The following MAGI2 variants were observed in gnomAD, a reference collection of about 807,000 sequenced individuals.
MAGI2 encodes membrane associated guanylate kinase, WW and PDZ domain containing 2.
A neutral mutation model predicts 133.3 loss-of-function variants in MAGI2; 35 were observed. The ratio of observed to expected loss-of-function variants is 0.26; its 90% CI spans 0.20 to 0.35. MAGI2 has a LOEUF of 0.35. Ranked by LOEUF, MAGI2 falls within the 10% of genes least tolerant of loss-of-function variation. The probability of loss-of-function intolerance (pLI) is 1.00; values close to 1 mark genes in which losing one functional copy is unlikely to be tolerated. For missense variants in MAGI2, 1,636 were observed against 1,863.4 expected (o/e 0.88, Z 2.25); for synonymous variants, 729 against 710.6 (o/e 1.03, Z -0.41).
chr7:78,246,884 C>CCCCCTGGGCCT (rs1791848509), intron 10 of MAGI2, among the ~76,000 whole-genome samples: 1 of 152,194 alleles, frequency 6.6e-6, no homozygotes, highest in Non-Finnish European at 1.5e-5. Context: ...GACATAGCTA[C>CCCCCTGGGCCT]AAGCTGGCCC....
intron 2 of MAGI2, among the ~76,000 whole-genome samples, chr7:78,805,061 G>C (rs1788452344): frequency 6.7e-6 from 1 of 150,260 alleles, no homozygotes; most frequent in Non-Finnish European, 1.5e-5. Context: ...GCAAGACTCT[G>C]TCTCAAAAAA....
At chr7:78,677,685 C>T (rs1055087959) in intron 2 of MAGI2, among the ~76,000 whole-genome samples, 3 of 152,042 alleles carry the variant, frequency 2.0e-5, no homozygotes, top group Non-Finnish European at 2.9e-5. Context: ...TATGGATTTA[C>T]TGGGGATTCT....
intron 1 of MAGI2, among the ~76,000 whole-genome samples, chr7:79,422,413 T>C (rs1283127534): frequency 2.0e-5 from 3 of 152,006 alleles, no homozygotes; most frequent in Non-Finnish European, 2.9e-5. Flanking sequence ...GAATACTTTA[T>C]ATTTTATTTT....
intron 2 of MAGI2, among the ~76,000 whole-genome samples, chr7:78,775,422 CAT>C (rs748200586): frequency 1.4e-5 from 2 of 138,154 alleles, no homozygotes; most frequent in Non-Finnish European, 3.1e-5. Flanking sequence ...GAGATATTTA[CAT>C]AGAGAGTTCT....
At chr7:79,051,133 C>G (rs1378353369) in intron 1 of MAGI2, among the ~76,000 whole-genome samples, 1 of 152,220 alleles carries the variant, frequency 6.6e-6, no homozygotes, top group African/African-American at 2.4e-5. Context: ...TCTACCCTCA[C>G]TCTAGATAAA....
chr7:78,107,502 T>A (rs1258860249), intron 20 of MAGI2, among the ~76,000 whole-genome samples: 1 of 152,186 alleles, frequency 6.6e-6, no homozygotes, highest in African/African-American at 2.4e-5. Context: ...CCTGTGTGTG[T>A]CCTCTTCAAT....
chr7:78,202,993 C>T (rs1308022289), intron 10 of MAGI2, among the ~76,000 whole-genome samples: 1 of 152,120 alleles, frequency 6.6e-6, no homozygotes, highest in Non-Finnish European at 1.5e-5. Context: ...CCAATGAAAA[C>T]AATTTGACCA....
intron 3 of MAGI2, among the ~76,000 whole-genome samples, chr7:78,586,727 CTCCAT>C (rs543608904): frequency 1.3e-5 from 2 of 152,174 alleles, no homozygotes; most frequent in Non-Finnish European, 2.9e-5. Flanking sequence ...AACCAGAACT[CTCCAT>C]TCTTCTCTCC....
In MAGI2 at chr7:78,856,870, C is replaced by A. The variant is rs1793692114; in HGVS notation, c.418+150220G>T. 2.6e-5 allele frequency among the ~76,000 whole-genome samples: 4 copies of A among 152,132 alleles called. No individual in the cohort carries two copies. The South Asian group carries it at 8.3e-4, about 32-fold the overall frequency. ...TGTGGCCATTTTCACAATATTGATC[C>A]TTCCTATCCATGAGCATGGAATGTT... On this transcript the variant is annotated intron_variant, in intron 2 of 21. Transcript: ENST00000354212.
chr7:78,128,679 G>T (rs971114799), intron 18 of MAGI2, among the ~76,000 whole-genome samples: 2 of 151,902 alleles, frequency 1.3e-5, no homozygotes, highest in Non-Finnish European at 2.9e-5. Context: ...CTAATATTTG[G>T]CAAGGTCACA....
chr7:78,340,772 C>A (rs1309402051), intron 9 of MAGI2, among the ~76,000 whole-genome samples: 3 of 152,048 alleles, frequency 2.0e-5, no homozygotes, highest in East Asian at 3.9e-4. Context: ...CATACTAAAA[C>A]CTCTCCATAA....
At chr7:78,842,506 T>G (rs1389571399) in intron 2 of MAGI2, among the ~76,000 whole-genome samples, 1 of 151,984 alleles carries the variant, frequency 6.6e-6, no homozygotes, top group Non-Finnish European at 1.5e-5. Flanking sequence ...AAAATTAACT[T>G]TTACATATTA....
At chr7:79,136,993 T>TC (rs1821637650) in intron 1 of MAGI2, among the ~76,000 whole-genome samples, 1 of 149,086 alleles carries the variant, frequency 6.7e-6, no homozygotes, top group African/African-American at 2.5e-5. Flanking sequence ...ATACAGATTC[T>TC]TTTTTTTTTG....
At chr7:79,168,967 T>C (rs1825256800) in intron 1 of MAGI2, among the ~76,000 whole-genome samples, 1 of 150,284 alleles carries the variant, frequency 6.7e-6, no homozygotes, top group African/African-American at 2.5e-5. Flanking sequence ...TGTGGAGTGA[T>C]ATTTTAATAT....
chr7:78,629,608 G>A (rs1010949139), intron 2 of MAGI2, among the ~76,000 whole-genome samples: 1 of 152,042 alleles, frequency 6.6e-6, no homozygotes, highest in South Asian at 2.1e-4. Context: ...ATTACTGACA[G>A]CAGTTGCTAT....
chr7:79,365,962 A>T (rs1240647563), intron 1 of MAGI2, among the ~76,000 whole-genome samples: 1 of 148,800 alleles, frequency 6.7e-6, no homozygotes, highest in Non-Finnish European at 1.5e-5. Context: ...AAAAAAAAAA[A>T]GTTGGTGCGA....
chr7:79,274,984 A>G (rs1435887746), intron 1 of MAGI2, among the ~76,000 whole-genome samples: 1 of 152,126 alleles, frequency 6.6e-6, no homozygotes, highest in Admixed American at 6.6e-5. Flanking sequence ...CCACTGACCA[A>G]CCACTTTTTC....
chr7:79,261,807 A>G (rs889422492), intron 1 of MAGI2, among the ~76,000 whole-genome samples: 2 of 152,166 alleles, frequency 1.3e-5, no homozygotes, highest in African/African-American at 4.8e-5. Flanking sequence ...AAGAACCCAA[A>G]TCATCAATAC....
intron 2 of MAGI2, among the ~76,000 whole-genome samples, chr7:78,944,124 G>T (rs767560039): frequency 6.6e-6 from 1 of 152,148 alleles, no homozygotes; most frequent in Non-Finnish European, 1.5e-5. Flanking sequence ...CAGAGCCACA[G>T]AACTTAGACA....
Sources: gnomAD v4.1 joint callset for allele counts (sites outside exome capture counted in the v4.1 genomes callset) on GRCh38, gnomAD v4.1.1 for gene constraint, MANE v1.5 for transcripts, NCBI Gene and HGNC (gene_info 2026-07-23, HGNC 2026-07-21) for gene names.